TASOR2: variants seen among roughly 807,000 people sequenced by gnomAD.
The protein encoded by TASOR2 is protein TASOR 2.
TASOR2 carries 84 observed loss-of-function variants against 199.5 expected under a neutral mutation model. The ratio of observed to expected loss-of-function variants is 0.42; its 90% CI spans 0.35 to 0.50. TASOR2 has a LOEUF of 0.50. TASOR2 is among the 20% of genes least tolerant of loss of function. The pLI is 0.02. For missense variants in TASOR2, 2,796 were observed against 2,835.9 expected (o/e 0.99, Z 0.32); for synonymous variants, 1,103 against 1,046.6 (o/e 1.05, Z -1.04).
At chr10:5,703,633 A>G (rs1838188376) in intron 1 of TASOR2, among the ~76,000 whole-genome samples, 1 of 149,662 alleles carries the variant, frequency 6.7e-6, no homozygotes. Context: ...CCTCCCGAGT[A>G]TCTGGGACTA....
At chr10:5,735,658 TC>T in intron 12 of TASOR2, 112 bp downstream of exon 13, 2 of 1,342,934 alleles carry the variant, frequency 1.5e-6, no homozygotes, top group East Asian at 2.4e-5. Context: ...AATAATTTTT[TC>T]TGTGTTTTTC....
chr10:5,757,332 C>CA (rs1356289530), intron 16 of TASOR2, among the ~76,000 whole-genome samples, 188 bp from the exon 18 acceptor site: 1 of 152,128 alleles, frequency 6.6e-6, no homozygotes, highest in Admixed American at 6.5e-5. Flanking sequence ...GTTGAGTTTG[C>CA]AGCCCCTGGT....
chr10:5,693,147 A>ATTT (rs1360197840), intron 1 of TASOR2, among the ~76,000 whole-genome samples: 1 of 152,232 alleles, frequency 6.6e-6, no homozygotes, highest in Non-Finnish European at 1.5e-5. Context: ...AGCCCTGGTG[A>ATTT]TGAAAGACAC....
At chr10:5,739,833 A>G (rs1275161222) in exon 13 of TASOR2, 4 of 1,614,250 alleles carry the variant, frequency 2.5e-6, no homozygotes, top group Non-Finnish European at 2.5e-6. Flanking sequence ...ATCTGAGGCT[A>G]GAAATCTTCA....
rs552671972 is a variant in TASOR2 at position 5,709,901 on chromosome 10, A to C, written c.-287-2922A>C. Among the ~76,000 whole-genome samples, 11 of 152,296 alleles carry C rather than the reference A, an allele frequency of 7.2e-5. No homozygotes were observed. The South Asian group carries it at 1.9e-3, about 26-fold the overall frequency. On this transcript the variant is annotated intron_variant, in intron 1 of 20. Coordinates refer to ENST00000328090, the Ensembl canonical transcript of TASOR2. The stretch of plus-strand genomic sequence containing the variant: ...TGTGATTGAATTTAACCTTTCTCAC[A>C]TGCTCTTTATTCATCACTTAAGCCC...
At chr10:5,760,789 T>C (rs1839695247) in intron 18 of TASOR2, 1 of 152,466 alleles carries the variant, frequency 6.6e-6, no homozygotes. Context: ...ATGTAAGTGA[T>C]GAAAACTAGA....
At position 5,685,413 on chromosome 10, in the gene TASOR2, C is replaced by T. The variant is rs1835699278; in HGVS notation, c.-288+238C>T. Among the ~76,000 whole-genome samples, 1 of 152,156 alleles carries T rather than the reference C, an allele frequency of 6.6e-6. No homozygotes were observed. The highest frequency in any genetic ancestry group is 1.5e-5 in the Non-Finnish European group (1 of 68,016). Reference sequence around the variant, plus strand: ...GGTGTCGCCGGCAGGGAGATCCTAACCGTGTCATCTTGCCCCTTTCTGAGG... The same window carrying T: ...GGTGTCGCCGGCAGGGAGATCCTAATCGTGTCATCTTGCCCCTTTCTGAGG... On this transcript the variant is annotated intron_variant, in intron 1 of 20. Coordinates refer to ENST00000328090, the Ensembl canonical transcript of TASOR2. This position sits in a 1 kb window ranked among gnomAD's most constrained non-coding sequence, Gnocchi z 5.4.
intron 20 of TASOR2, 117 bp downstream of exon 21, chr10:5,762,763 A>G (rs1840085203): frequency 1.4e-6 from 1 of 702,132 alleles, no homozygotes; most frequent in Non-Finnish European, 2.5e-6. Flanking sequence ...TTCATGCTAT[A>G]AATTTAAAGT....
At chr10:5,728,885 G>T (rs1357914189) in intron 10 of TASOR2, among the ~76,000 whole-genome samples, 4 of 151,890 alleles carry the variant, frequency 2.6e-5, no homozygotes, top group Non-Finnish European at 4.4e-5. Context: ...CTTCAGATCT[G>T]GCTCCTGTAA....
chr10:5,694,176 G>T (rs1175233202), intron 1 of TASOR2, among the ~76,000 whole-genome samples: 2 of 152,138 alleles, frequency 1.3e-5, no homozygotes, highest in African/African-American at 4.8e-5. Context: ...AAAAATCCAT[G>T]TAGCTGCCAC....
Position 5,740,405 on chromosome 10 carries a change from C to T in TASOR2, c.2235C>T (p.Ile745=), listed in dbSNP as rs1836238681. 6.2e-7 allele frequency: 1 copy of T among 1,614,056 alleles called. No homozygotes were observed. Among genetic ancestry groups the T allele is most frequent in the South Asian group, 1.1e-5 (1 of 91,072 alleles). The change falls in exon 13 of 21, where the codon ATC becomes ATT. Residue 745 remains isoleucine, a synonymous_variant. Transcript: ENST00000328090. The surrounding 1 kb of genome is among the most constrained non-coding windows in gnomAD (Gnocchi z 5.3). ...TTAGCTGTGATGACTCCGTTAAGAT[C>T]ACTTTCAAATGTGAAACAGAATATG...
chr10:5,720,312 C>G lies in TASOR2; in HGVS notation c.-99-232C>G, dbSNP rs148722321. 3 of 985,108 alleles carry G rather than the reference C, an allele frequency of 3.0e-6. No individual in the cohort carries two copies. Among genetic ancestry groups the G allele is most frequent in the Admixed American group, 6.1e-5 (1 of 16,272 alleles). The allele number at this position is 985,108 out of a possible 1,614,324, so 61.0% of individuals were successfully genotyped here. A position where few individuals can be genotyped will look rare whatever the true frequency, so the allele number is the denominator to read the frequency against. ...TATACAACTAACTATACTAAGCCAT[C>G]TTCTGGCTATGATTGCCACGTGTCT... On this transcript the variant is annotated intron_variant, in intron 3 of 20. Coordinates refer to ENST00000328090, the Ensembl canonical transcript of TASOR2. The surrounding 1 kb of genome is among the most constrained non-coding windows in gnomAD (Gnocchi z 5.3).
chr10:5,762,012 C>T (rs190190059), intron 19 of TASOR2, among the ~76,000 whole-genome samples: 9 of 152,222 alleles, frequency 5.9e-5, no homozygotes, highest in Admixed American at 2.6e-4. Flanking sequence ...GACAGTGGCT[C>T]ACGCCTGTAA....
In TASOR2 at chr10:5,742,476, G is replaced by C; in HGVS notation, c.2707G>C (p.Asp903His). 6.2e-7 allele frequency: 1 copy of C among 1,613,958 alleles called. No homozygotes were observed. The highest frequency in any genetic ancestry group is 8.5e-7 in the Non-Finnish European group (1 of 1,180,000). Residue 903 changes from aspartate to histidine, a missense_variant, in exon 14 of 21, where the codon GAT becomes CAT. By Grantham distance (81) the Asp-to-His change is moderately conservative. Transcript: ENST00000328090. The surrounding 1 kb of genome is among the most constrained non-coding windows in gnomAD (Gnocchi z 4.2). ...GAAAAAAACTTTTGCAAGAGAGTGT[G>C]ATCCAGACACCCAAGAAGACCAGAA... is the stretch of plus-strand genomic sequence containing the variant.
intron 19 of TASOR2, among the ~76,000 whole-genome samples, chr10:5,762,252 TTAA>T (rs1839965016): frequency 2.2e-5 from 1 of 46,488 alleles, no homozygotes; most frequent in Non-Finnish European, 3.9e-5. Flanking sequence ...CTATCTATCT[TTAA>T]AAAAAAAAAA....
At chr10:5,684,909 G>T (rs533356184) in exon 1 of TASOR2, 1 of 397,416 alleles carries the variant, frequency 2.5e-6, no homozygotes, top group African/African-American at 2.1e-5. Flanking sequence ...TCCCGGGGTT[G>T]CCTCTTGCCC....
Position 5,730,546 on chromosome 10 carries a change from A to G in TASOR2, c.547A>G (p.Thr183Ala), listed in dbSNP as rs1200642017. 2 of 1,613,590 alleles carry G rather than the reference A, an allele frequency of 1.2e-6. No individual in the cohort carries two copies. The highest frequency in any genetic ancestry group is 2.7e-5 in the African/African-American group (2 of 74,902). The change falls in exon 11 of 21, where the codon ACC becomes GCC. Residue 183 changes from threonine to alanine, a missense_variant. By Grantham distance (58) the Thr-to-Ala change is moderately conservative. This residue lies in a region of TASOR2 where 847 missense variants were observed against 887.4 expected (regional missense o/e 0.95). Transcript: ENST00000328090. This position sits in a 1 kb window ranked among gnomAD's most constrained non-coding sequence, Gnocchi z 4.1. ...AATGAAGGTGATACCTATTTTATCT[A>G]CCCTTAATTGTGCCCTGCTAGAAAC...
At chr10:5,700,629 A>G (rs915953880) in intron 1 of TASOR2, among the ~76,000 whole-genome samples, 3 of 152,238 alleles carry the variant, frequency 2.0e-5, no homozygotes, top group African/African-American at 7.2e-5. Context: ...AGCCATTTTA[A>G]CTGGGGCGAG....
rs1023612360 is a variant in TASOR2, at chr10:5,701,065, G to A, written c.-287-11758G>A. Among the ~76,000 whole-genome samples, 2 of 151,704 alleles carry A rather than the reference G, an allele frequency of 1.3e-5. No individual in the cohort carries two copies. The highest frequency in any genetic ancestry group is 4.8e-5 in the African/African-American group (2 of 41,306). On this transcript the variant is annotated intron_variant, in intron 1 of 20. Coordinates refer to ENST00000328090, the Ensembl canonical transcript of TASOR2. The surrounding 1 kb of genome is among the most constrained non-coding windows in gnomAD (Gnocchi z 4.9). ...AAACAAAAAAAGTTTGGCCAGACTA[G>A]TATCCTGGAGTGTTTTCCCAGTGTT...
Sources: allele counts gnomAD v4.1 joint callset (sites outside exome capture counted in the v4.1 genomes callset), GRCh38; gene constraint gnomAD v4.1.1; regional missense constraint gnomAD v4.1.1; non-coding constraint Gnocchi (gnomAD v3.1); transcripts MANE v1.5; gene names NCBI Gene and HGNC (gene_info 2026-07-23, HGNC 2026-07-21).